MTA3: variants seen among roughly 807,000 people sequenced by gnomAD.
MTA3 encodes metastasis associated 1 family member 3, also known as metastasis-associated protein MTA3.
A neutral mutation model predicts 83.5 loss-of-function variants in MTA3; 34 were observed. The observed-to-expected ratio is 0.41, with a 90% CI of 0.31 to 0.54. The LOEUF (loss-of-function observed/expected upper bound fraction) is 0.54, where lower values mean the gene tolerates loss of function less well. Ranked by LOEUF, MTA3 falls within the 20% of genes least tolerant of loss-of-function variation. MTA3 has a pLI of 0.33. For synonymous variants in MTA3, 303 were observed against 252.7 expected (o/e 1.20, Z -1.89); for missense variants, 761 against 726.4 (o/e 1.05, Z -0.55).
chr2:42,535,403 CT>C (rs1477481747), intron 2 of MTA3, among the ~76,000 whole-genome samples: 3 of 151,344 alleles, frequency 2.0e-5, no homozygotes, highest in South Asian at 4.2e-4. Context: ...AACAGACAAA[CT>C]TTTTTTTTAT....
intron 3 of MTA3, among the ~76,000 whole-genome samples, chr2:42,605,845 C>T (rs1406863263): frequency 7.5e-6 from 1 of 132,756 alleles, no homozygotes; most frequent in African/African-American, 2.9e-5. Flanking sequence ...GGAGGGCTGA[C>T]CCCCCCACCT....
chr2:42,562,913 C>T (rs1677736352), intron 2 of MTA3, among the ~76,000 whole-genome samples: 1 of 152,206 alleles, frequency 6.6e-6, no homozygotes, highest in Non-Finnish European at 1.5e-5. Context: ...TCCTCTTCCC[C>T]AACTTGCCTT....
At chr2:42,608,855 G>C (rs1184544038) in intron 3 of MTA3, among the ~76,000 whole-genome samples, 2 of 152,072 alleles carry the variant, frequency 1.3e-5, no homozygotes, top group African/African-American at 4.8e-5. Flanking sequence ...CTGCACTCCA[G>C]CCTGGGCGAC....
chr2:42,715,883 C>A (rs1454561699), intron 14 of MTA3, among the ~76,000 whole-genome samples: 1 of 152,046 alleles, frequency 6.6e-6, no homozygotes, highest in East Asian at 1.9e-4. Context: ...GAGGAAATAA[C>A]CAAGATGACT....
intron 3 of MTA3, among the ~76,000 whole-genome samples, chr2:42,598,478 A>C (rs1682122945): frequency 6.6e-6 from 1 of 152,182 alleles, no homozygotes; most frequent in African/African-American, 2.4e-5. Flanking sequence ...TAGACCTGTA[A>C]GGACCTTATA....
rs1394817356 is a variant in MTA3 at position 42,599,048 on chromosome 2, T to C, written c.191-10410T>C. 2.6e-5 allele frequency among the ~76,000 whole-genome samples: 4 copies of C among 152,174 alleles called. No homozygotes were observed. In the East Asian group the frequency reaches 5.8e-4, roughly 22 times the overall value. On this transcript the variant is annotated intron_variant, in intron 3 of 16. Coordinates refer to ENST00000405094, the MANE Select transcript of MTA3 (RefSeq NM_001330442.2). ...TGGAGAATGGTTGTGGCTGCTCTCC[T>C]TTTTAACTTCGTTTGCTAGTGGTGA...
intron 4 of MTA3, among the ~76,000 whole-genome samples, chr2:42,629,583 C>T (rs1045680105): frequency 6.6e-6 from 1 of 152,008 alleles, no homozygotes; most frequent in African/African-American, 2.4e-5. Context: ...TGGGAGGAAA[C>T]CTCTAATCTA....
chr2:42,750,775 T>C (rs7579098), intron 16 of MTA3, among the ~76,000 whole-genome samples: 52,205 of 152,070 alleles, frequency 0.34, 9,368 homozygotes, highest in East Asian at 0.63. Flanking sequence ...TCGTGTCCCC[T>C]AGGCCTGAAA....
rs566558830 is a variant in MTA3, at chr2:42,713,561, C to T, written c.1525+4465C>T. Among the ~76,000 whole-genome samples the T allele has an allele frequency of 3.3e-5, 5 of 152,208 alleles. No homozygotes were observed. In the South Asian group the frequency reaches 8.3e-4, roughly 25 times the overall value. On this transcript the variant is annotated intron_variant, in intron 14 of 16. Coordinates refer to ENST00000405094, the MANE Select transcript of MTA3 (RefSeq NM_001330442.2). Reference sequence around the variant, plus strand: ...ACAAAAGTGGTTACAAATCTCATCACGTTCCTCATTCCTGATTTACCCCAT... The same window carrying T: ...ACAAAAGTGGTTACAAATCTCATCATGTTCCTCATTCCTGATTTACCCCAT...
At chr2:42,703,890 C>CAA (rs1190902543) in intron 11 of MTA3, 409 of 178,018 alleles carry the variant, frequency 2.3e-3, no homozygotes, top group South Asian at 4.7e-3. Flanking sequence ...ACTCCGTCTC[C>CAA]AAAAAAAAAA....
intron 2 of MTA3, among the ~76,000 whole-genome samples, chr2:42,523,859 GTGAGCCA>G (rs1043988560): frequency 1.3e-5 from 2 of 152,112 alleles, no homozygotes; most frequent in Non-Finnish European, 2.9e-5. Flanking sequence ...CAAGGCTGCA[GTGAGCCA>G]TGATCGCACC....
At chr2:42,569,600 C>G (rs1454750169) in intron 1 of MTA3, 1 of 152,120 alleles carries the variant, frequency 6.6e-6, no homozygotes, top group Non-Finnish European at 1.5e-5. Flanking sequence ...CTAAATGAGG[C>G]CACTTTGCAG....
intron 16 of MTA3, among the ~76,000 whole-genome samples, chr2:42,736,931 G>A (rs1668653087): frequency 1.3e-5 from 2 of 152,166 alleles, no homozygotes; most frequent in African/African-American, 4.8e-5. Flanking sequence ...TGGGAGTTAG[G>A]GCCTGGAATG....
intron 4 of MTA3, among the ~76,000 whole-genome samples, chr2:42,614,976 T>TAAAA (rs55857778): frequency 7.0e-6 from 1 of 142,454 alleles, no homozygotes; most frequent in Admixed American, 7.0e-5. Context: ...GACTCTGTCT[T>TAAAA]AAAAAAAAAA....
chr2:42,581,422 T>C (rs924928434), intron 3 of MTA3, among the ~76,000 whole-genome samples: 2 of 139,738 alleles, frequency 1.4e-5, no homozygotes, highest in Admixed American at 1.6e-4. Flanking sequence ...CAGGCTGGAG[T>C]GCAGTGGCAG....
In MTA3 at chr2:42,514,016, C is replaced by T. The variant is rs1572903906; in HGVS notation, c.-141+18762C>T. On this transcript the variant is annotated intron_variant, in intron 2 of 17. Coordinates refer to the MTA3 transcript ENST00000405592. ...ATCACCTGAGGTCAGGAGTTCAAGA[C>T]CAGCCTGGCCAACATAGTGAAACCC... Among the ~76,000 whole-genome samples, 3 of 152,254 alleles carry T rather than the reference C, an allele frequency of 2.0e-5. No individual in the cohort carries two copies. The East Asian group carries it at 5.8e-4, about 29-fold the overall frequency.
intron 2 of MTA3, among the ~76,000 whole-genome samples, chr2:42,571,427 G>C (rs1327734681): frequency 6.7e-6 from 1 of 149,098 alleles, no homozygotes. Context: ...ATTTTAGAGA[G>C]TTATGCACGA....
At chr2:42,745,094 A>ATC (rs1669315016) in intron 16 of MTA3, among the ~76,000 whole-genome samples, 1 of 152,242 alleles carries the variant, frequency 6.6e-6, no homozygotes. Flanking sequence ...CTGAGTTATA[A>ATC]TCTATGCATT....
chr2:42,591,211 G>T (rs1451161596), intron 3 of MTA3, among the ~76,000 whole-genome samples: 1 of 152,176 alleles, frequency 6.6e-6, no homozygotes, highest in Non-Finnish European at 1.5e-5. Flanking sequence ...ACTGTATGCA[G>T]GTGTTACCCA....
Sources: gnomAD v4.1 joint callset for allele counts (sites outside exome capture counted in the v4.1 genomes callset) on GRCh38, gnomAD v4.1.1 for gene constraint, MANE v1.5 for transcripts, NCBI Gene and HGNC (gene_info 2026-07-23, HGNC 2026-07-21) for gene names.